PDLIM3: variants seen among roughly 807,000 people sequenced by gnomAD.
PDLIM3 encodes PDZ and LIM domain protein 3.
In PDLIM3, 36 loss-of-function variants were observed where a neutral mutation model predicts 37.3. The observed-to-expected ratio is 0.97, with a 90% CI of 0.74 to 1.28. The LOEUF is 1.28. Ranked by LOEUF, PDLIM3 falls within the 50% of genes most tolerant of loss-of-function variation. PDLIM3 has a pLI of 0.00. For synonymous variants in PDLIM3, 174 were observed against 182.4 expected (o/e 0.95, Z 0.37); for missense variants, 454 against 485.0 (o/e 0.94, Z 0.60).
At chr4:185,517,310 A>G (rs987027642) in intron 3 of PDLIM3, 5 of 144,844 alleles carry the variant, frequency 3.5e-5, no homozygotes, top group Non-Finnish European at 7.5e-5. Flanking sequence ...TTAAAGAATC[A>G]GGCAGTACTG....
intron 1 of PDLIM3, among the ~76,000 whole-genome samples, chr4:185,532,751 AAGAATG>A (rs1274766640): frequency 6.6e-6 from 1 of 152,250 alleles, no homozygotes; most frequent in Non-Finnish European, 1.5e-5. Context: ...AAGGATTTTT[AAGAATG>A]AGAAAGGAGC....
chr4:185,502,465 C>T lies in PDLIM3; in HGVS notation c.924G>A (p.Ala308=), dbSNP rs558471910. 110 of 1,614,136 alleles carry T rather than the reference C, an allele frequency of 6.8e-5. No individual in the cohort carries two copies. In the South Asian group the frequency reaches 9.9e-4, roughly 14 times the overall value. Residue 308 remains alanine, a synonymous_variant, in exon 8 of 8, where the codon GCG becomes GCA. Transcript: ENST00000284767. The part of the protein sequence containing the change: ...GSGIVGAVVK[A]RDKYRHPECF... ...ACTCAGGGTGCCGGTACTTATCCCG[C>T]GCCTTCACCACAGCACCGCTGTTGG...
intron 7 of PDLIM3, among the ~76,000 whole-genome samples, chr4:185,502,847 C>G (rs966609117): frequency 1.3e-5 from 2 of 152,110 alleles, no homozygotes; most frequent in Non-Finnish European, 2.9e-5. Context: ...CTGCTTTTGA[C>G]GGGGGTGGTT....
At chr4:185,512,410 ATC>A (rs1178798377) in intron 4 of PDLIM3, 1 of 151,636 alleles carries the variant, frequency 6.6e-6, no homozygotes, top group African/African-American at 2.5e-5. Context: ...GTGCACTGGC[ATC>A]TGTTTTTTAA....
At chr4:185,522,954 G>T (rs949265335) in intron 3 of PDLIM3, among the ~76,000 whole-genome samples, 3 of 152,218 alleles carry the variant, frequency 2.0e-5, no homozygotes, top group African/African-American at 7.2e-5. Flanking sequence ...GACCTCGAAG[G>T]ACTGAAATTC....
intron 1 of PDLIM3, 75 bp downstream of exon 1, chr4:185,535,267 G>T: frequency 7.5e-7 from 1 of 1,342,152 alleles, no homozygotes; most frequent in Non-Finnish European, 1.0e-6. Flanking sequence ...CCTCGGCCCC[G>T]GGGCATCCAC....
chr4:185,502,002 G>A lies in PDLIM3; in HGVS notation c.*292C>T. 1 of 447,526 alleles carries A rather than the reference G, an allele frequency of 2.2e-6. No homozygotes were observed. Among genetic ancestry groups the A allele is most frequent in the South Asian group, 2.2e-5 (1 of 45,892 alleles). The allele number at this position is 447,526 out of a possible 1,614,324, so 27.7% of individuals were successfully genotyped here. ...CTTGATGTTTATGTGTTTGATGGCT[G>A]TAATATACATGTAAATTGTGGAGTA... On this transcript the variant is annotated 3_prime_UTR_variant, in exon 8 of 8. Transcript: ENST00000284767.
At chr4:185,533,101 AAGG>A (rs1381292599) in intron 1 of PDLIM3, among the ~76,000 whole-genome samples, 1 of 152,038 alleles carries the variant, frequency 6.6e-6, no homozygotes. Flanking sequence ...TCATTTGCAA[AAGG>A]GGATGTCACT....
chr4:185,526,100 A>C (rs1277866941), intron 1 of PDLIM3, among the ~76,000 whole-genome samples: 1 of 152,260 alleles, frequency 6.6e-6, no homozygotes, highest in Non-Finnish European at 1.5e-5. Context: ...GCAAGACATG[A>C]GCACAGGCTC....
chr4:185,533,868 G>C (rs555994655), intron 1 of PDLIM3, among the ~76,000 whole-genome samples: 76 of 152,174 alleles, frequency 5.0e-4, no homozygotes, highest in African/African-American at 1.8e-3. Flanking sequence ...ATTTTGGTTA[G>C]AATTTAATAT....
intron 1 of PDLIM3, among the ~76,000 whole-genome samples, chr4:185,528,656 A>T (rs995730429): frequency 1.3e-5 from 2 of 152,254 alleles, no homozygotes; most frequent in Non-Finnish European, 2.9e-5. Flanking sequence ...GAAGTCAGCT[A>T]GGACAGGTGG....
intron 5 of PDLIM3, 69 bp downstream of exon 5, chr4:185,508,230 A>T: frequency 7.0e-7 from 1 of 1,421,952 alleles, no homozygotes; most frequent in Non-Finnish European, 9.9e-7. Context: ...ATGTTAAAAG[A>T]CACCAGTAAA....
intron 3 of PDLIM3, among the ~76,000 whole-genome samples, chr4:185,519,086 G>A (rs892311330): frequency 7.2e-5 from 11 of 152,018 alleles, no homozygotes; most frequent in Non-Finnish European, 1.2e-4. Flanking sequence ...GCAACACTTC[G>A]TACTAAAAAA....
rs1047203549 is a variant in PDLIM3 at position 185,504,038 on chromosome 4, T to C, written c.905+437A>G. On this transcript the variant is annotated intron_variant, in intron 7 of 7. Transcript: ENST00000284767. The surrounding 1 kb of genome is among the most constrained non-coding windows in gnomAD (Gnocchi z 4.7). ...TGTAACTTACACTGGGTAAGGATAATGTATTTTAAGTAACATCCTGTTGCC... is the reference window on the plus strand; with the variant it reads ...TGTAACTTACACTGGGTAAGGATAACGTATTTTAAGTAACATCCTGTTGCC... Among the ~76,000 whole-genome samples, 1 of 92,096 alleles carries C rather than the reference T, an allele frequency of 1.1e-5. No homozygotes were observed. The highest frequency in any genetic ancestry group is 3.4e-5 in the African/African-American group (1 of 29,256). The allele number at this position is 92,096 out of a possible 152,430, so 60.4% of individuals were successfully genotyped here. A position where few individuals can be genotyped will look rare whatever the true frequency, so the allele number is the denominator to read the frequency against.
In PDLIM3 at chr4:185,502,353, T is replaced by C. The variant is rs1342006001; in HGVS notation, c.1036A>G (p.Arg346Gly). Reference protein sequence around the residue: ...EGELYCETHARARTKPPEGYD... With the variant: ...EGELYCETHAGARTKPPEGYD... Reference sequence around the variant, plus strand: ...CCCTCTGGGGGCTTTGTGCGGGCTCTTGCGTGGGTTTCGCAGTACAGCTCC... The same window carrying C: ...CCCTCTGGGGGCTTTGTGCGGGCTCCTGCGTGGGTTTCGCAGTACAGCTCC... The change falls in exon 8 of 8, where the codon AGA becomes GGA. Residue 346 changes from arginine to glycine, a missense_variant. Coordinates refer to ENST00000284767, the MANE Select transcript of PDLIM3 (RefSeq NM_014476.6). 3 of 1,614,260 alleles carry C rather than the reference T, an allele frequency of 1.9e-6. No individual in the cohort carries two copies. The highest frequency in any genetic ancestry group is 2.2e-5 in the South Asian group (2 of 91,090).
chr4:185,512,105 T>TC (rs1243946811), intron 4 of PDLIM3: 1 of 149,908 alleles, frequency 6.7e-6, no homozygotes, highest in Admixed American at 6.6e-5. Context: ...TTTTTTTTTT[T>TC]TTTTTTTGAG....
In PDLIM3 at chr4:185,504,563, T is replaced by TC. The variant is rs769401041; in HGVS notation, c.816dup (p.Ser273GlufsTer23). ...ACTTTCGTCACCGGAGCTCTCACACTCCGCGTTCCAGCCGGACGGTCATCT... is the reference window on the plus strand; with the variant it reads ...ACTTTCGTCACCGGAGCTCTCACACTCCCGCGTTCCAGCCGGACGGTCATCT... On this transcript the variant is annotated frameshift_variant, in exon 7 of 8. Transcript: ENST00000284767. LOFTEE classifies it high-confidence loss of function. This position sits in a 1 kb window ranked among gnomAD's most constrained non-coding sequence, Gnocchi z 4.7. The TC allele has an allele frequency of 6.2e-7, 1 of 1,614,086 alleles. No homozygotes were observed. The highest frequency in any genetic ancestry group is 1.1e-5 in the South Asian group (1 of 91,070).
intron 1 of PDLIM3, among the ~76,000 whole-genome samples, chr4:185,531,966 C>T: frequency 7.0e-6 from 1 of 143,840 alleles, no homozygotes; most frequent in South Asian, 2.2e-4. Context: ...GGTATGGTGG[C>T]GGGTGCTTGT....
intron 6 of PDLIM3, among the ~76,000 whole-genome samples, chr4:185,505,164 CATA>C (rs1297529456): frequency 6.6e-6 from 1 of 152,206 alleles, no homozygotes; most frequent in Non-Finnish European, 1.5e-5. Context: ...TTTCACTTCA[CATA>C]ATGTTTGCAA....
Sources: allele counts gnomAD v4.1 joint callset (sites outside exome capture counted in the v4.1 genomes callset), GRCh38; gene constraint gnomAD v4.1.1; non-coding constraint Gnocchi (gnomAD v3.1); transcripts MANE v1.5; gene names NCBI Gene and HGNC (gene_info 2026-07-23, HGNC 2026-07-21).